The following CSMD1 variants were observed in gnomAD, a reference collection of about 807,000 sequenced individuals.
The protein encoded by CSMD1 is CUB and Sushi multiple domains 1, also known as CUB and sushi domain-containing protein 1.
A neutral mutation model predicts 417.5 loss-of-function variants in CSMD1; 213 were observed. The ratio of observed to expected loss-of-function variants is 0.51; its 90% CI spans 0.46 to 0.57. The LOEUF (loss-of-function observed/expected upper bound fraction) is 0.57. Among genes scored for constraint, CSMD1 ranks in the 20% least tolerant of loss-of-function variants. CSMD1 has a pLI of 0.00. For synonymous variants in CSMD1, 2,862 were observed against 1,736.8 expected (o/e 1.65, Z -16.11); for missense variants, 6,923 against 4,529.7 (o/e 1.53, Z -15.17).
chr8:2,989,855 G>GT (rs1563211465), intron 54 of CSMD1, among the ~76,000 whole-genome samples: 1 of 152,192 alleles, frequency 6.6e-6, no homozygotes, highest in Admixed American at 6.5e-5. Context: ...GGCAGATTGG[G>GT]TGAGTCTTCC....
At chr8:3,599,131 G>GTGTA (rs1198524824) in intron 8 of CSMD1, among the ~76,000 whole-genome samples, 5 of 134,132 alleles carry the variant, frequency 3.7e-5, no homozygotes, top group Non-Finnish European at 7.5e-5. Context: ...ACTGCTGTGT[G>GTGTA]TGTGTGTGTG....
In CSMD1 at chr8:3,081,383, G is replaced by A. The variant is rs148422439; in HGVS notation, c.7474+5714C>T. Among the ~76,000 whole-genome samples, 1,445 of 152,272 alleles carry A rather than the reference G, an allele frequency of 9.5e-3. 24 individuals are homozygous for A. Among genetic ancestry groups the A allele is most frequent in the African/African-American group, 0.033 (1,385 of 41,564 alleles). The stretch of plus-strand genomic sequence containing the variant: ...AAAAATAGAATGTCAACTCAAGGAT[G>A]AATGTAATATTAAAATAGATCAATA... On this transcript the variant is annotated intron_variant, in intron 49 of 69. Transcript: ENST00000635120.
At chr8:4,697,902 G>C (rs935028084) in intron 1 of CSMD1, among the ~76,000 whole-genome samples, 2 of 152,046 alleles carry the variant, frequency 1.3e-5, no homozygotes, top group African/African-American at 4.8e-5. Flanking sequence ...TTTAGTTTAA[G>C]AATAACACAG....
intron 1 of CSMD1, chr8:4,787,466 G>T (rs1797465713): frequency 4.9e-6 from 4 of 809,034 alleles, no homozygotes; most frequent in Admixed American, 4.0e-5. Context: ...TCACCTGGAA[G>T]GAAAAGCTGC....
At chr8:4,512,712 T>C (rs1276419736) in intron 2 of CSMD1, among the ~76,000 whole-genome samples, 1 of 152,006 alleles carries the variant, frequency 6.6e-6, no homozygotes, top group Non-Finnish European at 1.5e-5. Context: ...AATGAAATAC[T>C]TAGATATAAA....
chr8:4,791,086 G>GAGAGACGGTGAGA (rs1202824040), intron 1 of CSMD1, among the ~76,000 whole-genome samples: 9,506 of 131,416 alleles, frequency 0.072, 358 homozygotes, highest in African/African-American at 0.11. Flanking sequence ...GAGACGGTGA[G>GAGAGACGGTGAGA]AGAGACGGTG....
intron 3 of CSMD1, among the ~76,000 whole-genome samples, chr8:4,170,115 C>A (rs1309068983): frequency 2.0e-5 from 3 of 151,924 alleles, no homozygotes; most frequent in African/African-American, 7.3e-5. Context: ...AACCTGTTTT[C>A]TCCCTCCAGG....
chr8:4,147,293 T>A (rs1458468648), intron 3 of CSMD1, among the ~76,000 whole-genome samples: 1 of 152,120 alleles, frequency 6.6e-6, no homozygotes, highest in Non-Finnish European at 1.5e-5. Context: ...CATACAAAGT[T>A]CCCAGCGGGG....
intron 3 of CSMD1, among the ~76,000 whole-genome samples, chr8:4,222,984 G>A (rs1257520574): frequency 1.3e-5 from 2 of 152,078 alleles, no homozygotes; most frequent in African/African-American, 2.4e-5. Context: ...AGAAGCTGAA[G>A]TTAGATTAAA....
chr8:3,815,791 G>C (rs764670384), intron 5 of CSMD1, among the ~76,000 whole-genome samples: 2 of 152,096 alleles, frequency 1.3e-5, no homozygotes, highest in African/African-American at 4.8e-5. Flanking sequence ...ATAGTAGTGA[G>C]CTAGTGAACG....
intron 7 of CSMD1, among the ~76,000 whole-genome samples, chr8:3,646,505 C>T (rs950958207): frequency 6.6e-6 from 1 of 152,152 alleles, no homozygotes; most frequent in Non-Finnish European, 1.5e-5. Flanking sequence ...AAATAAAAAT[C>T]TGGCGGTGTC....
intron 10 of CSMD1, among the ~76,000 whole-genome samples, chr8:3,545,086 A>G (rs76832235): frequency 6.6e-6 from 1 of 152,196 alleles, no homozygotes; most frequent in Admixed American, 6.5e-5. Context: ...TGACCTTAAC[A>G]AAGTATAAAA....
rs148246758 is a variant in CSMD1 at position 4,845,913 on chromosome 8, C to T, written c.85+148419G>A. 4.3e-3 allele frequency among the ~76,000 whole-genome samples: 660 copies of T among 151,976 alleles called. 4 individuals are homozygous for T. Among genetic ancestry groups the T allele is most frequent in the African/African-American group, 0.015 (607 of 41,346 alleles). ...GTGGCTAACTAAAATGACAAGGTTACGCTAGCCTATGAACTTTGCCTATTT... is the reference window on the plus strand; with the variant it reads ...GTGGCTAACTAAAATGACAAGGTTATGCTAGCCTATGAACTTTGCCTATTT... On this transcript the variant is annotated intron_variant, in intron 1 of 69. Coordinates refer to ENST00000635120, the MANE Select transcript of CSMD1 (RefSeq NM_033225.6).
chr8:4,080,150 A>G (rs189095712), intron 3 of CSMD1, among the ~76,000 whole-genome samples: 1 of 151,946 alleles, frequency 6.6e-6, no homozygotes, highest in African/African-American at 2.4e-5. Flanking sequence ...TCAGTTTGCA[A>G]TTTACAAGCC....
At chr8:4,075,793 G>C (rs1234932862) in intron 3 of CSMD1, among the ~76,000 whole-genome samples, 2 of 152,148 alleles carry the variant, frequency 1.3e-5, no homozygotes, top group African/African-American at 4.8e-5. Context: ...AAGAGGTTGT[G>C]ATGACAGAGC....
intron 25 of CSMD1, among the ~76,000 whole-genome samples, chr8:3,287,177 GTCTCTA>G (rs1458035536): frequency 2.9e-5 from 4 of 139,134 alleles, no homozygotes; most frequent in African/African-American, 1.1e-4. Flanking sequence ...TGTTCCATTG[GTCTCTA>G]TCTCTGTTTT....
chr8:4,548,718 C>G (rs1194667314), intron 2 of CSMD1, among the ~76,000 whole-genome samples: 2 of 152,120 alleles, frequency 1.3e-5, no homozygotes, highest in African/African-American at 4.8e-5. Flanking sequence ...TAACTGATCT[C>G]CAGTTGTCAA....
intron 11 of CSMD1, among the ~76,000 whole-genome samples, chr8:3,480,161 C>G (rs1563078185): frequency 6.6e-6 from 1 of 151,918 alleles, no homozygotes; most frequent in Non-Finnish European, 1.5e-5. Context: ...GAGTTCAAGA[C>G]CAGCCTGGGC....
chr8:4,452,546 ACT>A (rs1799211510), intron 2 of CSMD1, among the ~76,000 whole-genome samples: 2 of 152,218 alleles, frequency 1.3e-5, no homozygotes, highest in African/African-American at 4.8e-5. Flanking sequence ...AAAATAATTC[ACT>A]TTTTCCAATC....
Sources: allele counts gnomAD v4.1 joint callset (sites outside exome capture counted in the v4.1 genomes callset), GRCh38; gene constraint gnomAD v4.1.1; transcripts MANE v1.5; gene names NCBI Gene and HGNC (gene_info 2026-07-23, HGNC 2026-07-21).